NECTIN1: variants seen among roughly 807,000 people sequenced by gnomAD.
The protein encoded by NECTIN1 is nectin-1.
In NECTIN1, 23 loss-of-function variants were observed where a neutral mutation model predicts 48.0. That is an observed-to-expected ratio of 0.48 (90% CI 0.34 to 0.68). The LOEUF (loss-of-function observed/expected upper bound fraction) is 0.68, where lower values mean the gene tolerates loss of function less well. NECTIN1 is among the 30% of genes least tolerant of loss of function. The probability of loss-of-function intolerance (pLI) is 0.01; values close to 1 mark genes in which losing one functional copy is unlikely to be tolerated. For synonymous variants in NECTIN1, 270 were observed against 288.9 expected (o/e 0.93, Z 0.66); for missense variants, 591 against 709.9 (o/e 0.83, Z 1.90).
chr11:119,728,797 C>T lies in NECTIN1; in HGVS notation c.-244G>A. On this transcript the variant is annotated 5_prime_UTR_variant, in exon 1 of 6. Transcript: ENST00000264025. Reference sequence around the variant, plus strand: ...CGCCGCAAGTTGCACGAGTCATGCCCCTTCGCCTCCTCCGCTCTCCTCCCG... The same window carrying T: ...CGCCGCAAGTTGCACGAGTCATGCCTCTTCGCCTCCTCCGCTCTCCTCCCG... 1 of 404,774 alleles carries T rather than the reference C, an allele frequency of 2.5e-6. No individual in the cohort carries two copies. The highest frequency in any genetic ancestry group is 7.3e-5 in the South Asian group (1 of 13,750). 25.1% of individuals were successfully genotyped at this position (404,774 alleles called of 1,614,324 possible).
intron 1 of NECTIN1, among the ~76,000 whole-genome samples, chr11:119,692,148 T>A (rs1157803990): frequency 6.6e-6 from 1 of 152,042 alleles, no homozygotes; most frequent in Non-Finnish European, 1.5e-5. Context: ...CACGAATCTA[T>A]CAGGAGCCTC....
At chr11:119,654,246 T>TCCA (rs1864533986) in intron 5 of NECTIN1, 8 of 128,740 alleles carry the variant, frequency 6.2e-5, no homozygotes, top group Non-Finnish European at 1.2e-4. Flanking sequence ...CATCTGAATA[T>TCCA]TCATCCATCC....
intron 5 of NECTIN1, among the ~76,000 whole-genome samples, chr11:119,669,283 G>T (rs1257307599): frequency 6.6e-6 from 1 of 152,028 alleles, no homozygotes; most frequent in African/African-American, 2.4e-5. Flanking sequence ...GTAGTGATGG[G>T]TGCCTGTAAT....
At chr11:119,710,315 C>T (rs1055521434) in intron 1 of NECTIN1, among the ~76,000 whole-genome samples, 8 of 152,154 alleles carry the variant, frequency 5.3e-5, no homozygotes, top group Non-Finnish European at 1.2e-4. Context: ...CCTCTAACAC[C>T]GTACAAAGAA....
chr11:119,638,845 ACATGGGGGCTCTCCC>A, intron 6 of NECTIN1: 1 of 1,551,146 alleles, frequency 6.4e-7, no homozygotes, highest in Non-Finnish European at 8.9e-7. Context: ...ACAGGAGCAC[ACATGGGGGCTCTCCC>A]CATCAGGCCA....
chr11:119,648,256 G>A, intron 5 of NECTIN1, among the ~76,000 whole-genome samples: 1 of 47,928 alleles, frequency 2.1e-5, no homozygotes, highest in Non-Finnish European at 4.6e-5. Flanking sequence ...GGTGATAGAG[G>A]TGGTAATAGT....
In NECTIN1 at chr11:119,663,850, G is replaced by A. The variant is rs1864711582; in HGVS notation, c.*897C>T. 1.1e-5 allele frequency: 11 copies of A among 985,650 alleles called. No homozygotes were observed. Among genetic ancestry groups the A allele is most frequent in the Middle Eastern group, 5.2e-4 (1 of 1,918 alleles). The allele number at this position is 985,650 out of a possible 1,614,324, so 61.1% of individuals were successfully genotyped here. A position where few individuals can be genotyped will look rare whatever the true frequency, so the allele number is the denominator to read the frequency against. ...GCAGACCCCATTCTCAGCTTAAAGG[G>A]GGAATGAGGTGGAAATAGACGGGTG... On this transcript the variant is annotated 3_prime_UTR_variant, in exon 6 of 6. Coordinates refer to ENST00000264025, the MANE Select transcript of NECTIN1 (RefSeq NM_002855.5).
Position 119,677,334 on chromosome 11 carries a change from A to G in NECTIN1, c.734-115T>C. On this transcript the variant is annotated intron_variant, in intron 3 of 5. Transcript: ENST00000264025. This position sits in a 1 kb window ranked among gnomAD's most constrained non-coding sequence, Gnocchi z 5.4. ...AGTGGCATGGAAACAGCCAGGAGAG[A>G]GGGAAGTGTGGGTGGGAGGGTGGCA... 1 of 1,079,556 alleles carries G rather than the reference A, an allele frequency of 9.3e-7. No individual in the cohort carries two copies. Among genetic ancestry groups the G allele is most frequent in the East Asian group, 2.4e-5 (1 of 42,200 alleles). The allele number at this position is 1,079,556 out of a possible 1,614,324, so 66.9% of individuals were successfully genotyped here.
chr11:119,654,718 C>T (rs1864544238), intron 5 of NECTIN1, among the ~76,000 whole-genome samples: 1 of 151,944 alleles, frequency 6.6e-6, no homozygotes, highest in South Asian at 2.1e-4. Context: ...ACTACAGGTG[C>T]CCACCACCAT....
Position 119,677,772 on chromosome 11 carries a change from G to A in NECTIN1, c.516C>T (p.Cys172=). 6.2e-7 allele frequency: 1 copy of A among 1,614,110 alleles called. No individual in the cohort carries two copies. Among genetic ancestry groups the A allele is most frequent in the South Asian group, 1.1e-5 (1 of 91,084 alleles). Residue 172 remains cysteine (C), a synonymous_variant, in exon 3 of 6, where the codon TGC becomes TGT. Coordinates refer to ENST00000264025, the MANE Select transcript of NECTIN1 (RefSeq NM_002855.5). The surrounding 1 kb of genome is among the most constrained non-coding windows in gnomAD (Gnocchi z 5.4). ...GQDDKVLVAT[C]TSANGKPPSV... ...TGGGAGGCTTCCCATTGGCTGAGGT[G>A]CAGGTGGCCACCAGGACCTTGTCAT... is the stretch of plus-strand genomic sequence containing the variant.
Position 119,698,777 on chromosome 11 carries a change from T to C in NECTIN1, c.80-20012A>G, listed in dbSNP as rs911470767. On this transcript the variant is annotated intron_variant, in intron 1 of 5. Transcript: ENST00000264025. ...GGTTAGCCAAGTGCCTGACACAGAA[T>C]AATTGCTCTGGAGGTGGCGAAACTG... Among the ~76,000 whole-genome samples, 3 of 152,196 alleles carry C rather than the reference T, an allele frequency of 2.0e-5. No homozygotes were observed. The East Asian group carries it at 5.8e-4, about 29-fold the overall frequency.
chr11:119,638,659 C>T (rs892462169), intron 7 of NECTIN1: 18 of 1,390,440 alleles, frequency 1.3e-5, no homozygotes, highest in Non-Finnish European at 1.7e-5. Flanking sequence ...TGGGCTCTCT[C>T]CTTGGGGCCA....
chr11:119,660,901 C>T, downstream of NECTIN1: 1 of 694,568 alleles, frequency 1.4e-6, no homozygotes, highest in Non-Finnish European at 1.8e-6. Flanking sequence ...GGGTCCCTTC[C>T]CCTCACTATC....
At chr11:119,659,945 A>T (rs949857745), downstream of NECTIN1, among the ~76,000 whole-genome samples, 4 of 152,220 alleles carry the variant, frequency 2.6e-5, no homozygotes, top group Admixed American at 2.0e-4. Flanking sequence ...TCATTCGAAT[A>T]TCAACATCTA....
intron 1 of NECTIN1, among the ~76,000 whole-genome samples, chr11:119,722,356 C>A (rs1055231192): frequency 1.3e-5 from 2 of 152,222 alleles, no homozygotes; most frequent in African/African-American, 4.8e-5. Flanking sequence ...AAGGAGGTGA[C>A]CCCAGCAGGG....
chr11:119,648,358 ATGCTGGTGATGGTGGTGATGGTGG>A (rs1864439817), intron 5 of NECTIN1, among the ~76,000 whole-genome samples: 1 of 1,278 alleles, frequency 7.8e-4, no homozygotes. Flanking sequence ...GGTGGTGGTG[ATGCTGGTGATGGTGGTGATGGTGG>A]TGGTGGTGGT....
At chr11:119,646,552 A>G (rs1480450868) in intron 5 of NECTIN1, among the ~76,000 whole-genome samples, 1 of 152,036 alleles carries the variant, frequency 6.6e-6, no homozygotes, top group African/African-American at 2.4e-5. Flanking sequence ...ATGTGCTTTT[A>G]CTTAAATTAT....
intron 1 of NECTIN1, among the ~76,000 whole-genome samples, chr11:119,704,328 C>G (rs1377429173): frequency 1.3e-5 from 2 of 152,146 alleles, no homozygotes; most frequent in African/African-American, 4.8e-5. Flanking sequence ...GCGGGCAATT[C>G]TCATGCCTCA....
intron 1 of NECTIN1, among the ~76,000 whole-genome samples, chr11:119,689,015 A>G (rs1303938580): frequency 6.6e-6 from 1 of 152,000 alleles, no homozygotes; most frequent in Non-Finnish European, 1.5e-5. Flanking sequence ...CTGCCAAGGT[A>G]GGGGCTGCGC....
Sources: gnomAD v4.1 joint callset for allele counts (sites outside exome capture counted in the v4.1 genomes callset) on GRCh38, gnomAD v4.1.1 for gene constraint, Gnocchi (gnomAD v3.1) non-coding constraint, MANE v1.5 for transcripts, NCBI Gene and HGNC (gene_info 2026-07-23, HGNC 2026-07-21) for gene names.